OR2M4: variants seen among roughly 807,000 people sequenced by gnomAD.
The protein encoded by OR2M4 is olfactory receptor family 2 subfamily M member 4.
A neutral mutation model predicts 13.7 loss-of-function variants in OR2M4; 8 were observed. That is an observed-to-expected ratio of 0.58 (90% CI 0.34 to 1.05). OR2M4 has a LOEUF of 1.05. Among genes scored for constraint, OR2M4 ranks in the 50% least tolerant of loss-of-function variants. The probability of loss-of-function intolerance (pLI) is 0.02; values close to 1 mark genes in which losing one functional copy is unlikely to be tolerated. For missense variants in OR2M4, 374 were observed against 381.6 expected (o/e 0.98, Z 0.17); for synonymous variants, 152 against 141.3 (o/e 1.08, Z -0.53).
At chr1:248,238,869 T>C in intron 1 of OR2M4, 41 bp from the exon 2 acceptor site, 1 of 1,305,368 alleles carries the variant, frequency 7.7e-7, no homozygotes, top group Non-Finnish European at 1.1e-6. Flanking sequence ...GTTTGAAAAC[T>C]GAATTGATAA....
At position 248,240,892 on chromosome 1, in the gene OR2M4, C is replaced by T. The variant is rs1051412207; in HGVS notation, c.*1028C>T. 1 of 152,238 alleles carries T rather than the reference C, an allele frequency of 6.6e-6. No homozygotes were observed. The highest frequency in any genetic ancestry group is 1.5e-5 in the Non-Finnish European group (1 of 68,096). 9.4% of individuals were successfully genotyped at this position (152,238 alleles called of 1,614,324 possible). A position where few individuals can be genotyped will look rare whatever the true frequency, so the allele number is the denominator to read the frequency against. On this transcript the variant is annotated 3_prime_UTR_variant, in exon 2 of 2. Transcript: ENST00000641868. Reference sequence around the variant, plus strand: ...GTCCTGTAAGAGCAGAAAGGAAAACCAGATAAAATTCAGCTGATGCCTGGC... The same window carrying T: ...GTCCTGTAAGAGCAGAAAGGAAAACTAGATAAAATTCAGCTGATGCCTGGC...
In OR2M4 at chr1:248,238,974, G is replaced by A. The variant is rs763401748; in HGVS notation, c.46G>A (p.Gly16Arg). The A allele has an allele frequency of 3.7e-6, 6 of 1,611,794 alleles. No homozygotes were observed. The highest frequency in any genetic ancestry group is 2.2e-5 in the East Asian group (1 of 44,882). ...CTTCAACTCCATCTTCATCCTGCTG[G>A]GAATCTTCAATCACAGTCCCACCCA... ...QTFNSIFILLGIFNHSPTHTF... is the reference protein window; with the variant it reads ...QTFNSIFILLRIFNHSPTHTF... Residue 16 changes from glycine to arginine, a missense_variant, in exon 2 of 2, where the codon GGA (glycine) becomes AGA (arginine). Physicochemically the swap from Gly to Arg is moderately radical, Grantham distance 125. Transcript: ENST00000641868.
At position 248,239,940 on chromosome 1, in the gene OR2M4, A is replaced by G; in HGVS notation, c.*76A>G. The G allele has an allele frequency of 3.5e-6, 3 of 845,782 alleles. No homozygotes were observed. Among genetic ancestry groups the G allele is most frequent in the Non-Finnish European group, 3.6e-6 (2 of 555,234 alleles). The allele number at this position is 845,782 out of a possible 1,614,324, so 52.4% of individuals were successfully genotyped here. On this transcript the variant is annotated 3_prime_UTR_variant, in exon 2 of 2. Coordinates refer to ENST00000641868, the MANE Select transcript of OR2M4 (RefSeq NM_017504.2). ...AAACTGGAATCTCTTAAATTATTCTATTTCTATTTCTGGTAATTTGTATTA... is the reference window on the plus strand; with the variant it reads ...AAACTGGAATCTCTTAAATTATTCTGTTTCTATTTCTGGTAATTTGTATTA...
At chr1:248,235,404 G>C (rs1032389953) in intron 1 of OR2M4, among the ~76,000 whole-genome samples, 1 of 152,126 alleles carries the variant, frequency 6.6e-6, no homozygotes, top group Admixed American at 6.5e-5. Flanking sequence ...TTTGATTGCT[G>C]TAGCCTTGTA....
Position 248,239,165 on chromosome 1 carries a change from C to G in OR2M4, c.237C>G (p.Pro79=), listed in dbSNP as rs748978701. 3.1e-6 allele frequency: 5 copies of G among 1,614,058 alleles called. No individual in the cohort carries two copies. In the East Asian group the frequency reaches 1.1e-4, roughly 36 times the overall value. ...MDLMLICTTL[P]KMIFSYLSGK... is the part of the protein sequence containing the mutation. ...TCATGCTCATCTGCACCACTCTACC[C>G]AAGATGATCTTCAGCTACTTGTCTG... Residue 79 remains proline, a synonymous_variant, in exon 2 of 2, where the codon CCC becomes CCG. Coordinates refer to ENST00000641868, the MANE Select transcript of OR2M4 (RefSeq NM_017504.2).
intron 1 of OR2M4, among the ~76,000 whole-genome samples, chr1:248,235,730 G>A (rs1666550722): frequency 6.6e-6 from 1 of 152,078 alleles, no homozygotes; most frequent in Non-Finnish European, 1.5e-5. Context: ...CTTGTTAGCT[G>A]TATTCCTAGG....
In OR2M4 at chr1:248,239,938, C is replaced by G. The variant is rs1039992329; in HGVS notation, c.*74C>G. 7.1e-6 allele frequency: 6 copies of G among 844,020 alleles called. No homozygotes were observed. Among genetic ancestry groups the G allele is most frequent in the Non-Finnish European group, 1.1e-5 (6 of 553,640 alleles). 52.3% of individuals were successfully genotyped at this position (844,020 alleles called of 1,614,324 possible). A position where few individuals can be genotyped will look rare whatever the true frequency, so the allele number is the denominator to read the frequency against. ...AAAAACTGGAATCTCTTAAATTATT[C>G]TATTTCTATTTCTGGTAATTTGTAT... On this transcript the variant is annotated 3_prime_UTR_variant, in exon 2 of 2. Coordinates refer to ENST00000641868, the MANE Select transcript of OR2M4 (RefSeq NM_017504.2).
chr1:248,238,374 C>A (rs1380454100), intron 1 of OR2M4, among the ~76,000 whole-genome samples: 1 of 152,106 alleles, frequency 6.6e-6, no homozygotes, highest in Non-Finnish European at 1.5e-5. Flanking sequence ...ATACCCTTCT[C>A]TGAACTGAAG....
In OR2M4 at chr1:248,239,885, G is replaced by C. The variant is rs1236709429; in HGVS notation, c.*21G>C. 6.8e-7 allele frequency: 1 copy of C among 1,468,554 alleles called. No individual in the cohort carries two copies. Among genetic ancestry groups the C allele is most frequent in the East Asian group, 2.3e-5 (1 of 43,790 alleles). 91.0% of individuals were successfully genotyped at this position (1,468,554 alleles called of 1,614,324 possible). On this transcript the variant is annotated 3_prime_UTR_variant, in exon 2 of 2. Coordinates refer to ENST00000641868, the MANE Select transcript of OR2M4 (RefSeq NM_017504.2). The stretch of plus-strand genomic sequence containing the variant: ...TATGACCTTATCAAAATCTTTTTGA[G>C]TGCCTACTGTGGTCAACACTCATTC...
intron 1 of OR2M4, among the ~76,000 whole-genome samples, chr1:248,236,944 C>T (rs1011299147): frequency 6.6e-6 from 1 of 152,114 alleles, no homozygotes; most frequent in Admixed American, 6.5e-5. Flanking sequence ...CCAAAAAATG[C>T]CCAGGACCAG....
Position 248,231,503 on chromosome 1 carries a change from C to T in OR2M4, c.-97C>T, listed in dbSNP as rs1311539993. Reference sequence around the variant, plus strand: ...GAAAGAAGAAAAGGTTGTAATACAGCTCAGGCAGTGATTATTATATTCCAG... The same window carrying T: ...GAAAGAAGAAAAGGTTGTAATACAGTTCAGGCAGTGATTATTATATTCCAG... On this transcript the variant is annotated 5_prime_UTR_variant, in exon 1 of 2. Coordinates refer to ENST00000641868, the MANE Select transcript of OR2M4 (RefSeq NM_017504.2). 2 of 152,148 alleles carry T rather than the reference C, an allele frequency of 1.3e-5. No individual in the cohort carries two copies. Among genetic ancestry groups the T allele is most frequent in the East Asian group, 3.8e-4 (2 of 5,202 alleles). The allele number at this position is 152,148 out of a possible 1,614,324, so 9.4% of individuals were successfully genotyped here.
rs1666597573 is a variant in OR2M4, at chr1:248,239,690, T to G, written c.762T>G (p.Ala254=). 1 of 1,614,138 alleles carries G rather than the reference T, an allele frequency of 6.2e-7. No homozygotes were observed. Among genetic ancestry groups the G allele is most frequent in the Non-Finnish European group, 8.5e-7 (1 of 1,180,026 alleles). Residue 254 remains alanine, a synonymous_variant, in exon 2 of 2, where the codon GCT becomes GCG. Coordinates refer to ENST00000641868, the MANE Select transcript of OR2M4 (RefSeq NM_017504.2). ...CTGTGGTCGGACTCTACTACGGTGCTGCTATGTTCATGTACATGAGACCAG... is the reference window on the plus strand; with the variant it reads ...CTGTGGTCGGACTCTACTACGGTGCGGCTATGTTCATGTACATGAGACCAG... The part of the protein sequence containing the change: ...HLSVVGLYYG[A]AMFMYMRPAS...
chr1:248,239,396 G>C lies in OR2M4; in HGVS notation c.468G>C (p.Gly156=), dbSNP rs1459839527. 14 of 1,613,916 alleles carry C rather than the reference G, an allele frequency of 8.7e-6. No individual in the cohort carries two copies. Among genetic ancestry groups the C allele is most frequent in the Non-Finnish European group, 2.5e-6 (3 of 1,179,994 alleles). ...CCTGGACCTTGGGGTCTCTTGATGGGATCATAGTGCTTGCAGCTGTCCTGT... is the reference window on the plus strand; with the variant it reads ...CCTGGACCTTGGGGTCTCTTGATGGCATCATAGTGCTTGCAGCTGTCCTGT... The part of the protein sequence containing the change: ...VASWTLGSLD[G]IIVLAAVLSF... Residue 156 remains glycine (G), a synonymous_variant, in exon 2 of 2, where the codon GGG becomes GGC. Transcript: ENST00000641868.
At chr1:248,233,868 C>T (rs369265438) in intron 1 of OR2M4, among the ~76,000 whole-genome samples, 4 of 151,982 alleles carry the variant, frequency 2.6e-5, no homozygotes, top group Admixed American at 6.6e-5. Context: ...GAAAAAAAGG[C>T]GGGGGAGGGG....
Position 248,241,143 on chromosome 1 carries a change from G to A in OR2M4, c.*1279G>A, listed in dbSNP as rs1026547167. ...GTGCGGCGGGCACGTGAACTACAGA[G>A]ACAGCAGCTGGGGCAACTGAGGTTG... On this transcript the variant is annotated 3_prime_UTR_variant, in exon 2 of 2. Transcript: ENST00000641868. 7.2e-5 allele frequency: 11 copies of A among 152,240 alleles called. No homozygotes were observed. The highest frequency in any genetic ancestry group is 2.7e-4 in the African/African-American group (11 of 41,444). The allele number at this position is 152,240 out of a possible 1,614,324, so 9.4% of individuals were successfully genotyped here. A position where few individuals can be genotyped will look rare whatever the true frequency, so the allele number is the denominator to read the frequency against.
In OR2M4 at chr1:248,239,411, A is replaced by G; in HGVS notation, c.483A>G (p.Ala161=). 1.2e-6 allele frequency: 2 copies of G among 1,614,058 alleles called. No homozygotes were observed. The highest frequency in any genetic ancestry group is 2.2e-5 in the South Asian group (2 of 91,076). The part of the protein sequence containing the change: ...LGSLDGIIVL[A]AVLSFSYCSS... Reference sequence around the variant, plus strand: ...CTCTTGATGGGATCATAGTGCTTGCAGCTGTCCTGTCATTTTCTTACTGCA... The same window carrying G: ...CTCTTGATGGGATCATAGTGCTTGCGGCTGTCCTGTCATTTTCTTACTGCA... The change falls in exon 2 of 2, where the codon GCA becomes GCG. Residue 161 remains alanine (A), a synonymous_variant. Coordinates refer to ENST00000641868, the MANE Select transcript of OR2M4 (RefSeq NM_017504.2).
rs1450977935 is a variant in OR2M4 at position 248,239,002 on chromosome 1, C to A, written c.74C>A (p.Thr25Asn). Residue 25 changes from threonine to asparagine, a missense_variant, in exon 2 of 2, where the codon ACC (threonine) becomes AAC (asparagine). By Grantham distance (65) the Thr-to-Asn change is moderately conservative. Transcript: ENST00000641868. The stretch of plus-strand genomic sequence containing the variant: ...ATCTTCAATCACAGTCCCACCCACA[C>A]CTTCCTTTTTTCTCTGGTCCTGGGC... Reference protein sequence around the residue: ...LGIFNHSPTHTFLFSLVLGIF... With the variant: ...LGIFNHSPTHNFLFSLVLGIF... 2 of 1,613,988 alleles carry A rather than the reference C, an allele frequency of 1.2e-6. No individual in the cohort carries two copies. Among genetic ancestry groups the A allele is most frequent in the South Asian group, 2.2e-5 (2 of 91,056 alleles).
At chr1:248,232,644 T>A (rs999559935) in intron 1 of OR2M4, among the ~76,000 whole-genome samples, 2 of 152,114 alleles carry the variant, frequency 1.3e-5, no homozygotes, top group Non-Finnish European at 2.9e-5. Flanking sequence ...CATAAAATCA[T>A]ATGGAAGAAT....
intron 1 of OR2M4, among the ~76,000 whole-genome samples, chr1:248,234,706 C>G (rs1370622342): frequency 6.6e-6 from 1 of 150,950 alleles, no homozygotes; most frequent in African/African-American, 2.4e-5. Context: ...GCCACATTTT[C>G]TTTATGAGAT....
Sources: allele counts gnomAD v4.1 joint callset (sites outside exome capture counted in the v4.1 genomes callset), GRCh38; gene constraint gnomAD v4.1.1; transcripts MANE v1.5; gene names NCBI Gene and HGNC (gene_info 2026-07-23, HGNC 2026-07-21).